The following DPP10 variants were observed in gnomAD, a reference collection of about 807,000 sequenced individuals.
The protein encoded by DPP10 is inactive dipeptidyl peptidase 10.
A neutral mutation model predicts 120.9 loss-of-function variants in DPP10; 33 were observed. The ratio of observed to expected loss-of-function variants is 0.27; its 90% CI spans 0.21 to 0.37. The LOEUF (loss-of-function observed/expected upper bound fraction) is 0.37, where lower values mean the gene tolerates loss of function less well. Among genes scored for constraint, DPP10 ranks in the 10% least tolerant of loss-of-function variants. DPP10 has a pLI of 1.00. For missense variants in DPP10, 816 were observed against 942.8 expected, an observed-to-expected ratio of 0.87 and a Z score of 1.76; for synonymous variants, 337 against 326.1, an observed-to-expected ratio of 1.03 and a Z score of -0.36.
intron 2 of DPP10, among the ~76,000 whole-genome samples, chr2:115,313,709 C>T (rs184105761): frequency 6.6e-6 from 1 of 152,268 alleles, no homozygotes; most frequent in Admixed American, 6.5e-5. Context: ...ACACATGTGC[C>T]TTAATTTCTA....
At chr2:115,584,510 T>C (rs1248026707) in intron 5 of DPP10, among the ~76,000 whole-genome samples, 1 of 152,206 alleles carries the variant, frequency 6.6e-6, no homozygotes, top group Non-Finnish European at 1.5e-5. Flanking sequence ...AGACCATACA[T>C]GGCCTGCGAA....
At chr2:114,612,515 A>G (rs1042881787) in intron 1 of DPP10, among the ~76,000 whole-genome samples, 1 of 152,094 alleles carries the variant, frequency 6.6e-6, no homozygotes, top group Non-Finnish European at 1.5e-5. Context: ...CTTTCTCCTT[A>G]CTATATCTCT....
chr2:115,408,544 C>T (rs1290105048), intron 3 of DPP10, among the ~76,000 whole-genome samples: 2 of 152,106 alleles, frequency 1.3e-5, no homozygotes, highest in African/African-American at 4.8e-5. Flanking sequence ...ATACGTGTAA[C>T]ACTCTCAAAG....
chr2:114,481,701 T>TAACTAA (rs1681062222), intron 1 of DPP10, among the ~76,000 whole-genome samples: 2 of 152,060 alleles, frequency 1.3e-5, no homozygotes, highest in Admixed American at 6.6e-5. Context: ...ACCCAAAAGG[T>TAACTAA]TACTGTATTA....
chr2:115,290,013 A>T (rs2060588519), intron 1 of DPP10, among the ~76,000 whole-genome samples: 1 of 152,174 alleles, frequency 6.6e-6, no homozygotes, highest in Non-Finnish European at 1.5e-5. Context: ...TAATTAACTA[A>T]AAAACTTCTG....
intron 3 of DPP10, among the ~76,000 whole-genome samples, chr2:115,418,950 C>A (rs2069686450): frequency 6.6e-6 from 1 of 152,148 alleles, no homozygotes; most frequent in Admixed American, 6.5e-5. Flanking sequence ...CTTCAGTGAA[C>A]CTCAGTCTTT....
intron 1 of DPP10, among the ~76,000 whole-genome samples, chr2:114,740,730 A>G (rs1313447145): frequency 6.6e-6 from 1 of 152,162 alleles, no homozygotes; most frequent in Non-Finnish European, 1.5e-5. Context: ...AGGAAAATAT[A>G]GCATATTTTT....
chr2:115,544,356 A>G (rs1039518775), intron 5 of DPP10, among the ~76,000 whole-genome samples: 3 of 152,056 alleles, frequency 2.0e-5, no homozygotes, highest in African/African-American at 7.2e-5. Flanking sequence ...GACAGTAAAG[A>G]GTTGCTATTT....
intron 5 of DPP10, among the ~76,000 whole-genome samples, chr2:115,592,716 A>G (rs911150212): frequency 6.6e-6 from 1 of 152,184 alleles, no homozygotes; most frequent in Non-Finnish European, 1.5e-5. Context: ...AGATTGTGCC[A>G]CTGCACTCCA....
At chr2:115,088,762 A>AAAAAAAAAAAAAAAAAAC (rs1559080192) in intron 1 of DPP10, among the ~76,000 whole-genome samples, 2 of 150,312 alleles carry the variant, frequency 1.3e-5, no homozygotes, top group African/African-American at 4.9e-5. Flanking sequence ...AAAAAAAAAA[A>AAAAAAAAAAAAAAAAAAC]AAAAAAACCA....
intron 1 of DPP10, among the ~76,000 whole-genome samples, chr2:115,305,174 A>G (rs2061311263): frequency 6.6e-6 from 1 of 152,002 alleles, no homozygotes; most frequent in African/African-American, 2.4e-5. Flanking sequence ...TCATAATCTA[A>G]CATGCACTTT....
intron 1 of DPP10, among the ~76,000 whole-genome samples, chr2:115,016,065 A>C (rs1195885962): frequency 2.0e-5 from 3 of 152,244 alleles, no homozygotes; most frequent in African/African-American, 4.8e-5. Flanking sequence ...AAAAAGAACA[A>C]GGCTGGAAGC....
intron 3 of DPP10, among the ~76,000 whole-genome samples, chr2:115,489,929 C>T (rs2076012462): frequency 1.3e-5 from 2 of 152,086 alleles, no homozygotes; most frequent in African/African-American, 2.4e-5. Context: ...ATAAAAAGAG[C>T]CTTGGCCTTT....
Position 115,661,834 on chromosome 2 carries a change from C to T in DPP10, c.442-27853C>T, listed in dbSNP as rs111549063. Among the ~76,000 whole-genome samples, 205 of 152,326 alleles carry T rather than the reference C, an allele frequency of 1.3e-3. 1 individual carries two copies. Among genetic ancestry groups the T allele is most frequent in the African/African-American group, 4.4e-3 (181 of 41,576 alleles). On this transcript the variant is annotated intron_variant, in intron 5 of 25. Coordinates refer to ENST00000410059, the MANE Select transcript of DPP10 (RefSeq NM_020868.6). ...TTACCACAATTAAGCTTATTAACTT[C>T]TATCACCTCCTGTAGTTACTATCAT...
intron 1 of DPP10, among the ~76,000 whole-genome samples, chr2:115,055,067 T>C (rs568026630): frequency 1.3e-5 from 2 of 152,350 alleles, no homozygotes; most frequent in Admixed American, 6.5e-5. Context: ...TTAACAATAA[T>C]GCTGTTGTTT....
intron 3 of DPP10, among the ~76,000 whole-genome samples, chr2:115,416,863 T>C (rs1298782797): frequency 1.1e-4 from 17 of 152,274 alleles, no homozygotes; most frequent in Admixed American, 1.0e-3. Context: ...TATAAAGAGA[T>C]TGAAATTTCT....
chr2:114,596,097 T>C (rs1691885122), intron 1 of DPP10, among the ~76,000 whole-genome samples: 2 of 152,026 alleles, frequency 1.3e-5, no homozygotes, highest in Admixed American at 1.3e-4. Context: ...TCACCTGAAT[T>C]TTTGGAGCAC....
At chr2:114,762,478 G>A (rs1283208419) in intron 1 of DPP10, among the ~76,000 whole-genome samples, 9 of 152,114 alleles carry the variant, frequency 5.9e-5, no homozygotes, top group African/African-American at 2.2e-4. Context: ...GAACTCAGCT[G>A]GAAATATACT....
intron 1 of DPP10, among the ~76,000 whole-genome samples, chr2:114,523,607 G>A (rs764003541): frequency 1.6e-4 from 24 of 152,148 alleles, no homozygotes; most frequent in South Asian, 1.2e-3. Flanking sequence ...GAAAAGAGGC[G>A]CTGTAGAGGG....
Sources: allele counts gnomAD v4.1 joint callset (sites outside exome capture counted in the v4.1 genomes callset), GRCh38; gene constraint gnomAD v4.1.1; transcripts MANE v1.5; gene names NCBI Gene and HGNC (gene_info 2026-07-23, HGNC 2026-07-21).